The following VTI1A variants were observed in gnomAD, a reference collection of about 807,000 sequenced individuals.
VTI1A encodes vesicle transport through interaction with t-SNAREs homolog 1A.
VTI1A carries 22 observed loss-of-function variants against 34.9 expected under a neutral mutation model. That is an observed-to-expected ratio of 0.63 (90% CI 0.45 to 0.90). The LOEUF is 0.90. Ranked by LOEUF, VTI1A falls within the 40% of genes least tolerant of loss-of-function variation. The pLI is 0.00. For missense variants in VTI1A, 268 were observed against 275.6 expected, an observed-to-expected ratio of 0.97 and a Z score of 0.20; for synonymous variants, 87 against 97.3, an observed-to-expected ratio of 0.89 and a Z score of 0.62.
intron 4 of VTI1A, among the ~76,000 whole-genome samples, chr10:112,528,350 GAGA>G (rs1297748708): frequency 6.6e-6 from 1 of 152,066 alleles, no homozygotes; most frequent in Non-Finnish European, 1.5e-5. Context: ...CCAAAAAAGA[GAGA>G]AGAATGACTG....
intron 3 of VTI1A, among the ~76,000 whole-genome samples, chr10:112,494,727 TG>T (rs1337818149): frequency 6.6e-6 from 1 of 152,224 alleles, no homozygotes; most frequent in East Asian, 1.9e-4. Context: ...CAGGACAGGA[TG>T]GTCTTGAACT....
At chr10:112,756,132 T>C (rs1163749509) in intron 7 of VTI1A, among the ~76,000 whole-genome samples, 1 of 152,130 alleles carries the variant, frequency 6.6e-6, no homozygotes, top group East Asian at 1.9e-4. Flanking sequence ...ATAATTATGC[T>C]CCGTGGCGTG....
chr10:112,524,701 T>C (rs1158604806), intron 3 of VTI1A, among the ~76,000 whole-genome samples: 1 of 152,168 alleles, frequency 6.6e-6, no homozygotes, highest in East Asian at 1.9e-4. Context: ...GAGTATAATG[T>C]AATTGAACAA....
chr10:112,679,777 AC>A (rs1450703357), intron 7 of VTI1A, among the ~76,000 whole-genome samples: 4 of 151,726 alleles, frequency 2.6e-5, no homozygotes, highest in Non-Finnish European at 5.9e-5. Flanking sequence ...AAAAAAAAAA[AC>A]ACCTGTCAAC....
At chr10:112,836,629 C>A in the VTI1A span, among the ~76,000 whole-genome samples, 1 of 152,324 alleles carries the variant, frequency 6.6e-6, no homozygotes, top group East Asian at 1.9e-4. Context: ...TGGAATCAGG[C>A]CACGTGTAGT....
rs959349787 is a variant in VTI1A, at chr10:112,818,321, C to T, written c.*2938C>T. The T allele has an allele frequency of 1.3e-5, 3 of 232,792 alleles. No individual in the cohort carries two copies. The highest frequency in any genetic ancestry group is 2.6e-5 in the Non-Finnish European group (3 of 117,626). 14.4% of individuals were successfully genotyped at this position (232,792 alleles called of 1,614,324 possible). On this transcript the variant is annotated 3_prime_UTR_variant, in exon 8 of 8. Transcript: ENST00000393077. ...AAAAGCCTGCCTGTTCCAAAAACCT[C>T]ATCAGATAATGACCTCAGTGATTGG...
chr10:112,688,666 C>T (rs1246840041), intron 7 of VTI1A, among the ~76,000 whole-genome samples: 5 of 151,682 alleles, frequency 3.3e-5, no homozygotes, highest in Non-Finnish European at 7.4e-5. Context: ...GGATTACAGG[C>T]ACATACCACC....
chr10:112,677,391 T>C (rs1037570701), intron 7 of VTI1A, among the ~76,000 whole-genome samples: 2 of 152,222 alleles, frequency 1.3e-5, no homozygotes, highest in African/African-American at 4.8e-5. Flanking sequence ...TCACAAGACA[T>C]GAACATCATC....
chr10:112,506,339 C>T (rs966556103), intron 3 of VTI1A, among the ~76,000 whole-genome samples: 1 of 152,264 alleles, frequency 6.6e-6, no homozygotes, highest in East Asian at 1.9e-4. Flanking sequence ...CAACACATGA[C>T]TGTAGGGAAA....
At chr10:112,508,299 A>G (rs1333127069) in intron 3 of VTI1A, among the ~76,000 whole-genome samples, 3 of 152,092 alleles carry the variant, frequency 2.0e-5, no homozygotes, top group Non-Finnish European at 2.9e-5. Flanking sequence ...AAGCTTATCT[A>G]TTGCTGAGCA....
At chr10:112,587,041 A>T (rs1014131916) in intron 5 of VTI1A, among the ~76,000 whole-genome samples, 5 of 152,140 alleles carry the variant, frequency 3.3e-5, no homozygotes, top group African/African-American at 1.2e-4. Context: ...TAGGCATTGC[A>T]TTTAGGATCT....
chr10:112,618,508 T>TAGAGAGAGAGAG (rs1360598727), intron 5 of VTI1A, among the ~76,000 whole-genome samples: 16 of 31,294 alleles, frequency 5.1e-4, no homozygotes, highest in Non-Finnish European at 8.4e-4. Context: ...TATATATATA[T>TAGAGAGAGAGAG]ATATATATAT....
At chr10:112,532,351 G>T (rs1017353195) in intron 4 of VTI1A, among the ~76,000 whole-genome samples, 2 of 152,168 alleles carry the variant, frequency 1.3e-5, no homozygotes, top group Admixed American at 6.5e-5. Flanking sequence ...AGATGTTACA[G>T]ATATTTGGAT....
chr10:112,500,439 G>GA (rs1207383985), intron 3 of VTI1A, among the ~76,000 whole-genome samples: 1 of 138,296 alleles, frequency 7.2e-6, no homozygotes, highest in Non-Finnish European at 1.6e-5. Context: ...CTCAAAAAAA[G>GA]AAAAAAAAGA....
At chr10:112,568,157 G>GA (rs11429883) in intron 5 of VTI1A, among the ~76,000 whole-genome samples, 146,073 of 151,028 alleles carry the variant, frequency 0.97, 70,727 homozygotes, top group East Asian at 1. Flanking sequence ...TCTGGACAGA[G>GA]AAAAAAAAAT....
chr10:112,792,814 G>A (rs1852532633), intron 7 of VTI1A, among the ~76,000 whole-genome samples: 1 of 152,344 alleles, frequency 6.6e-6, no homozygotes, highest in East Asian at 1.9e-4. Context: ...TGTTGATGGT[G>A]ATAATTACGT....
chr10:112,809,187 C>G (rs1406916199), intron 7 of VTI1A, among the ~76,000 whole-genome samples: 1 of 152,230 alleles, frequency 6.6e-6, no homozygotes, highest in Non-Finnish European at 1.5e-5. Flanking sequence ...AACCGCACAG[C>G]TCTAGCTCAG....
At chr10:112,791,238 T>C (rs1031851780) in intron 7 of VTI1A, among the ~76,000 whole-genome samples, 2 of 152,150 alleles carry the variant, frequency 1.3e-5, no homozygotes, top group African/African-American at 4.8e-5. Flanking sequence ...GGGAATACAA[T>C]ATAGATAGTA....
chr10:112,834,378 A>G, the VTI1A span, among the ~76,000 whole-genome samples: 2 of 152,208 alleles, frequency 1.3e-5, no homozygotes, highest in African/African-American at 4.8e-5. Flanking sequence ...AGGAGTTGAG[A>G]ACATCAAGAG....
Sources: allele counts gnomAD v4.1 joint callset (sites outside exome capture counted in the v4.1 genomes callset), GRCh38; gene constraint gnomAD v4.1.1; transcripts MANE v1.5; gene names NCBI Gene and HGNC (gene_info 2026-07-23, HGNC 2026-07-21).